The following CARNMT1 variants were observed in gnomAD, a reference collection of about 807,000 sequenced individuals.
The protein encoded by CARNMT1 is protein-L-histidine N-pros-methyltransferase CARNMT1.
In CARNMT1, 28 loss-of-function variants were observed where a neutral mutation model predicts 49.6. That is an observed-to-expected ratio of 0.56 (90% CI 0.42 to 0.77). CARNMT1 has a LOEUF of 0.77. Among genes scored for constraint, CARNMT1 ranks in the 30% least tolerant of loss-of-function variants. The pLI, the probability that CARNMT1 is intolerant of heterozygous loss-of-function variation, is 0.00. For synonymous variants in CARNMT1, 178 were observed against 175.0 expected, an observed-to-expected ratio of 1.02 and a Z score of -0.13; for missense variants, 421 against 512.6, an observed-to-expected ratio of 0.82 and a Z score of 1.73.
chr9:75,010,390 G>T (rs914852616), intron 3 of CARNMT1, among the ~76,000 whole-genome samples: 2 of 152,104 alleles, frequency 1.3e-5, no homozygotes, highest in Non-Finnish European at 2.9e-5. Flanking sequence ...CTCCCAAAGT[G>T]CTGGGTTTAT....
intron 3 of CARNMT1, 59 bp from the exon 4 acceptor site, chr9:74,999,929 A>G: frequency 6.6e-7 from 1 of 1,516,102 alleles, no homozygotes; most frequent in African/African-American, 1.4e-5. Context: ...AAAAGACAAA[A>G]TCCACATTAA....
intron 1 of CARNMT1, among the ~76,000 whole-genome samples, chr9:75,024,867 TA>T: frequency 1.3e-5 from 2 of 152,136 alleles, no homozygotes; most frequent in African/African-American, 2.4e-5. Flanking sequence ...ACTTAACTAC[TA>T]ATAGCCTACT....
At chr9:74,993,707 G>A (rs1371782377) in intron 6 of CARNMT1, among the ~76,000 whole-genome samples, 1 of 145,330 alleles carries the variant, frequency 6.9e-6, no homozygotes, top group Non-Finnish European at 1.5e-5. Flanking sequence ...AAACTGGGAG[G>A]TACTACTGGA....
intron 4 of CARNMT1, among the ~76,000 whole-genome samples, chr9:74,998,988 A>C (rs961139668): frequency 4.6e-5 from 7 of 152,188 alleles, no homozygotes; most frequent in Non-Finnish European, 1.0e-4. Flanking sequence ...AAAAAAAGTA[A>C]ATTCAGAGAT....
At chr9:75,008,185 A>C (rs1386875582) in intron 3 of CARNMT1, among the ~76,000 whole-genome samples, 3 of 151,108 alleles carry the variant, frequency 2.0e-5, no homozygotes, top group Admixed American at 6.6e-5. Context: ...AAAAAAAAAA[A>C]AAAAAAAAAA....
chr9:74,994,513 G>A (rs1487582935), intron 6 of CARNMT1, among the ~76,000 whole-genome samples: 1 of 152,048 alleles, frequency 6.6e-6, no homozygotes, highest in Non-Finnish European at 1.5e-5. Context: ...AAGTATCTGT[G>A]GTACACCCAA....
chr9:75,028,056 C>T lies in CARNMT1; in HGVS notation c.186G>A (p.Glu62=). Residue 62 remains glutamate (E), a synonymous_variant, in exon 1 of 8, where the codon GAG becomes GAA. Transcript: ENST00000376834. ...RSTEEEEERL[E]REHFWKIINA... is the part of the protein sequence containing the mutation. ...TAATGATCTTCCAGAAGTGCTCACGCTCAAGCCTCTCCTCCTCCTCCTCGG... is the reference window on the plus strand; with the variant it reads ...TAATGATCTTCCAGAAGTGCTCACGTTCAAGCCTCTCCTCCTCCTCCTCGG... 6.3e-7 allele frequency: 1 copy of T among 1,578,186 alleles called. No homozygotes were observed. Among genetic ancestry groups the T allele is most frequent in the Non-Finnish European group, 8.6e-7 (1 of 1,164,746 alleles).
intron 1 of CARNMT1, 46 bp from the exon 2 acceptor site, chr9:75,017,494 C>A: frequency 6.6e-7 from 1 of 1,516,332 alleles, no homozygotes. Context: ...GAATTCTCAC[C>A]AGAGGCCAAT....
At chr9:75,009,709 C>T (rs1246544781) in intron 3 of CARNMT1, 2 of 152,062 alleles carry the variant, frequency 1.3e-5, no homozygotes, top group Non-Finnish European at 2.9e-5. Flanking sequence ...CACTAGTGGC[C>T]TAATAAGACT....
intron 5 of CARNMT1, among the ~76,000 whole-genome samples, chr9:74,996,878 A>T (rs1055408658): frequency 6.6e-6 from 1 of 152,222 alleles, no homozygotes; most frequent in Non-Finnish European, 1.5e-5. Flanking sequence ...TCTAGCCTTC[A>T]TTTAAAATCA....
intron 3 of CARNMT1, among the ~76,000 whole-genome samples, chr9:75,014,914 G>A (rs1001464574): frequency 9.9e-5 from 15 of 152,218 alleles, no homozygotes; most frequent in African/African-American, 3.6e-4. Flanking sequence ...AGACACATAT[G>A]TATTGAAATT....
At chr9:74,997,601 T>C (rs373816912) in intron 5 of CARNMT1, among the ~76,000 whole-genome samples, 4 of 152,048 alleles carry the variant, frequency 2.6e-5, no homozygotes, top group Admixed American at 1.3e-4. Flanking sequence ...TCCCTTGCCA[T>C]TCCCCATCTG....
chr9:74,995,294 C>CT (rs1052598790), intron 6 of CARNMT1, among the ~76,000 whole-genome samples: 1 of 152,160 alleles, frequency 6.6e-6, no homozygotes, highest in African/African-American at 2.4e-5. Context: ...ACCCAAGACT[C>CT]TAAGTCTCTT....
chr9:74,999,070 C>T (rs1171069291), intron 4 of CARNMT1, among the ~76,000 whole-genome samples: 2 of 152,048 alleles, frequency 1.3e-5, no homozygotes, highest in Non-Finnish European at 2.9e-5. Flanking sequence ...AACAGTCCAA[C>T]GAGGTTTTTT....
At chr9:75,016,150 G>A in intron 3 of CARNMT1, 118 bp downstream of exon 3, 1 of 728,438 alleles carries the variant, frequency 1.4e-6, no homozygotes, top group Admixed American at 2.8e-5. Flanking sequence ...ACTTACACAT[G>A]TAAAACATAC....
rs1485305616 is a variant in CARNMT1 at position 74,983,529 on chromosome 9, A to G, written c.*238T>C. On this transcript the variant is annotated 3_prime_UTR_variant, in exon 8 of 8. Transcript: ENST00000376834. ...ATTCTGGGCTTCAAGGAAAAAGTAT[A>G]CTTCAAGACATTTCCTCCATTTTTA... is the stretch of plus-strand genomic sequence containing the variant. 3 of 319,032 alleles carry G rather than the reference A, an allele frequency of 9.4e-6. No homozygotes were observed. Among genetic ancestry groups the G allele is most frequent in the African/African-American group, 6.4e-5 (3 of 47,002 alleles). 19.8% of individuals were successfully genotyped at this position (319,032 alleles called of 1,614,324 possible).
intron 1 of CARNMT1, among the ~76,000 whole-genome samples, chr9:75,018,892 G>A (rs1437913373): frequency 5.9e-5 from 9 of 151,630 alleles, no homozygotes; most frequent in South Asian, 2.1e-4. Context: ...GCTTGAACGC[G>A]GGAGGCAGAG....
At chr9:75,005,475 CTT>C (rs57445834) in intron 3 of CARNMT1, among the ~76,000 whole-genome samples, 158 of 132,074 alleles carry the variant, frequency 1.2e-3, no homozygotes, top group Non-Finnish European at 1.4e-3. Flanking sequence ...AGTATATGAT[CTT>C]TTTTTTTTTT....
chr9:74,993,012 G>A (rs1475025357), intron 6 of CARNMT1, among the ~76,000 whole-genome samples: 2 of 152,118 alleles, frequency 1.3e-5, no homozygotes, highest in Non-Finnish European at 2.9e-5. Flanking sequence ...TCATCTCTTC[G>A]AGACATCTTA....
Sources: allele counts gnomAD v4.1 joint callset (sites outside exome capture counted in the v4.1 genomes callset), GRCh38; gene constraint gnomAD v4.1.1; transcripts MANE v1.5; gene names NCBI Gene and HGNC (gene_info 2026-07-23, HGNC 2026-07-21).